The following TRPM3 variants were observed in gnomAD, a reference collection of about 807,000 sequenced individuals.
TRPM3 encodes long transient receptor potential channel 3.
Under a neutral mutation model 181.2 loss-of-function variants are expected in TRPM3, and 77 were observed. The ratio of observed to expected loss-of-function variants is 0.42; its 90% CI spans 0.35 to 0.51. TRPM3 has a LOEUF of 0.51. TRPM3 is among the 20% of genes least tolerant of loss of function. The pLI, the probability that TRPM3 is intolerant of heterozygous loss-of-function variation, is 0.01. For missense variants in TRPM3, 1,759 were observed against 2,196.7 expected (o/e 0.80, Z 3.98); for synonymous variants, 745 against 796.4 (o/e 0.94, Z 1.09).
chr9:71,058,963 T>C (rs922179988), intron 1 of TRPM3, among the ~76,000 whole-genome samples: 3 of 151,092 alleles, frequency 2.0e-5, no homozygotes, highest in Non-Finnish European at 4.4e-5. Flanking sequence ...CATGAATTGT[T>C]CTTTGCTCAA....
chr9:70,631,474 C>G (rs922335447), intron 12 of TRPM3, among the ~76,000 whole-genome samples: 1 of 151,356 alleles, frequency 6.6e-6, no homozygotes, highest in African/African-American at 2.4e-5. Flanking sequence ...AAATAGCATC[C>G]TCTTTTGGTG....
intron 1 of TRPM3, among the ~76,000 whole-genome samples, chr9:71,099,609 T>TC (rs112965244): frequency 9.9e-5 from 15 of 151,986 alleles, no homozygotes; most frequent in African/African-American, 2.2e-4. Context: ...TTAGATGGGT[T>TC]CCCCCCCTCA....
chr9:71,338,090 C>T (rs1400282275), intron 1 of TRPM3, among the ~76,000 whole-genome samples: 1 of 140,946 alleles, frequency 7.1e-6, no homozygotes, highest in Middle Eastern at 3.5e-3. Flanking sequence ...ACAACAACAA[C>T]AGAAAAAAAA....
At position 70,897,573 on chromosome 9, in the gene TRPM3, G is replaced by A. The variant is rs2096296613; in HGVS notation, c.178-33062C>T. ...ATCAAACAGTTGTAACAGCCCGCAA[G>A]GTCTAGGCTGAGTTTTGAAGAGAAA... On this transcript the variant is annotated intron_variant, in intron 1 of 25. Transcript: ENST00000677713. Among the ~76,000 whole-genome samples, 3 of 152,072 alleles carry A rather than the reference G, an allele frequency of 2.0e-5. No homozygotes were observed. The South Asian group carries it at 6.2e-4, about 32-fold the overall frequency.
At chr9:70,599,680 T>G (rs993267931) in intron 20 of TRPM3, among the ~76,000 whole-genome samples, 1 of 152,244 alleles carries the variant, frequency 6.6e-6, no homozygotes, top group African/African-American at 2.4e-5. Context: ...CTTCAAGGTC[T>G]CTGATCAAAT....
chr9:71,018,600 C>T lies in TRPM3; in HGVS notation c.177+102578G>A, dbSNP rs1291725552. On this transcript the variant is annotated intron_variant, in intron 1 of 25. Coordinates refer to ENST00000677713, the MANE Select transcript of TRPM3 (RefSeq NM_001366145.2). The stretch of plus-strand genomic sequence containing the variant: ...CTTAGAAAAATAAGACTCAATGAAG[C>T]TAACAAAATAAAAAACAGTAAAGTA... 2.0e-5 allele frequency among the ~76,000 whole-genome samples: 3 copies of T among 151,694 alleles called. No homozygotes were observed. The East Asian group carries it at 5.8e-4, about 29-fold the overall frequency.
At chr9:70,923,726 G>C (rs2096683633) in intron 1 of TRPM3, among the ~76,000 whole-genome samples, 1 of 150,708 alleles carries the variant, frequency 6.6e-6, no homozygotes, top group African/African-American at 2.4e-5. Context: ...CTGTCCATTT[G>C]ATTCCTATTA....
Position 70,603,328 on chromosome 9 carries a change from A to G in TRPM3, c.2796+14T>C, listed in dbSNP as rs952818401. ...CTGTCTTTCTCTTACGTTTTCTTTT[A>G]TAAAAGCCGTTACCTCTCTCATCTT... On this transcript the variant is annotated intron_variant, in intron 20 of 25. Coordinates refer to ENST00000677713, the MANE Select transcript of TRPM3 (RefSeq NM_001366145.2). The G allele has an allele frequency of 6.2e-7, 1 of 1,609,026 alleles. No individual in the cohort carries two copies. The highest frequency in any genetic ancestry group is 8.5e-7 in the Non-Finnish European group (1 of 1,177,558).
chr9:70,890,644 T>C (rs1190398704), intron 1 of TRPM3, among the ~76,000 whole-genome samples: 1 of 152,092 alleles, frequency 6.6e-6, no homozygotes, highest in Non-Finnish European at 1.5e-5. Context: ...TGGGGATATC[T>C]TGAAATTATG....
At chr9:71,067,816 A>G (rs1210755551) in intron 1 of TRPM3, among the ~76,000 whole-genome samples, 1 of 152,178 alleles carries the variant, frequency 6.6e-6, no homozygotes, top group Non-Finnish European at 1.5e-5. Context: ...CAATGACCAC[A>G]TACTAAGATC....
chr9:71,181,046 T>G (rs1414790178), intron 1 of TRPM3, among the ~76,000 whole-genome samples: 1 of 152,162 alleles, frequency 6.6e-6, no homozygotes, highest in African/African-American at 2.4e-5. Context: ...AAGACTGCTC[T>G]AATTTGAGGA....
At chr9:70,644,208 G>C (rs1254755391) in intron 9 of TRPM3, among the ~76,000 whole-genome samples, 1 of 152,180 alleles carries the variant, frequency 6.6e-6, no homozygotes, top group Non-Finnish European at 1.5e-5. Flanking sequence ...TCGGAAGTAA[G>C]CAAATAAACT....
intron 1 of TRPM3, among the ~76,000 whole-genome samples, chr9:70,873,234 T>A (rs1380783876): frequency 6.6e-6 from 1 of 151,974 alleles, no homozygotes; most frequent in Non-Finnish European, 1.5e-5. Flanking sequence ...ATAAATGTAT[T>A]GTGTTCTCTA....
At chr9:71,101,545 C>T (rs2068387506) in intron 1 of TRPM3, among the ~76,000 whole-genome samples, 1 of 152,090 alleles carries the variant, frequency 6.6e-6, no homozygotes, top group Non-Finnish European at 1.5e-5. Context: ...GGATTTAGTT[C>T]AAACTCAGTT....
intron 1 of TRPM3, among the ~76,000 whole-genome samples, chr9:71,182,883 A>G (rs999955032): frequency 4.7e-4 from 72 of 152,164 alleles, no homozygotes; most frequent in African/African-American, 1.7e-3. Flanking sequence ...GATGGTCTCA[A>G]ACTCCTGACC....
intron 1 of TRPM3, among the ~76,000 whole-genome samples, chr9:71,202,582 A>G (rs1424070729): frequency 1.3e-5 from 2 of 152,170 alleles, no homozygotes; most frequent in African/African-American, 4.8e-5. Context: ...CTAGGTATAA[A>G]GTGGCAGGTA....
intron 6 of TRPM3, among the ~76,000 whole-genome samples, chr9:70,795,307 T>G (rs2086734025): frequency 6.6e-6 from 1 of 152,222 alleles, no homozygotes; most frequent in Non-Finnish European, 1.5e-5. Context: ...ATAAAGCACT[T>G]AGAGCCTGGC....
At chr9:71,215,047 C>CAAAAAAAAAAAAAAAAAAAAAAAAA (rs72383590) in intron 1 of TRPM3, among the ~76,000 whole-genome samples, 2 of 112,560 alleles carry the variant, frequency 1.8e-5, no homozygotes, top group African/African-American at 3.6e-5. Context: ...AAAAAAAAAA[C>CAAAAAAAAAAAAAAAAAAAAAAAAA]AAAAAAAAAA....
At chr9:71,052,954 A>G (rs1565083283) in intron 1 of TRPM3, among the ~76,000 whole-genome samples, 1 of 152,064 alleles carries the variant, frequency 6.6e-6, no homozygotes, top group Non-Finnish European at 1.5e-5. Context: ...ATATTATACT[A>G]CTATCAAGAA....
Sources: gnomAD v4.1 joint callset for allele counts (sites outside exome capture counted in the v4.1 genomes callset) on GRCh38, gnomAD v4.1.1 for gene constraint, MANE v1.5 for transcripts, NCBI Gene and HGNC (gene_info 2026-07-23, HGNC 2026-07-21) for gene names.